Variants in SHANK2 observed in about 807,000 individuals in gnomAD.
SHANK2 encodes the protein SH3 and multiple ankyrin repeat domains 2.
Under a neutral mutation model 133.7 loss-of-function variants are expected in SHANK2, and 43 were observed. The observed-to-expected ratio is 0.32, with a 90% CI of 0.25 to 0.41. SHANK2 has a LOEUF of 0.41. SHANK2 is among the 10% of genes least tolerant of loss of function. SHANK2 has a pLI of 1.00. For missense variants in SHANK2, 1,994 were observed against 2,235.8 expected, an observed-to-expected ratio of 0.89 and a Z score of 2.18; for synonymous variants, 1,017 against 952.8, an observed-to-expected ratio of 1.07 and a Z score of -1.24.
At chr11:70,594,995 A>C (rs2060377983) in intron 17 of SHANK2, among the ~76,000 whole-genome samples, 1 of 152,152 alleles carries the variant, frequency 6.6e-6, no homozygotes, top group Admixed American at 6.5e-5. Flanking sequence ...GGGAGCCGGG[A>C]GCCGGGTCTC....
At chr11:70,537,269 C>T (rs540154179) in intron 17 of SHANK2, among the ~76,000 whole-genome samples, 1 of 152,358 alleles carries the variant, frequency 6.6e-6, no homozygotes, top group Non-Finnish European at 1.5e-5. Flanking sequence ...CCAGGGCCAG[C>T]ATGGCAGCCC....
intron 11 of SHANK2, among the ~76,000 whole-genome samples, chr11:70,833,608 A>G (rs145768194): frequency 1.3e-5 from 2 of 152,350 alleles, no homozygotes; most frequent in African/African-American, 4.8e-5. Context: ...CCAAAAACAA[A>G]GCAAGCACAG....
chr11:70,823,678 G>T (rs3017497), intron 11 of SHANK2, among the ~76,000 whole-genome samples: 4 of 114,106 alleles, frequency 3.5e-5, no homozygotes, highest in African/African-American at 1.0e-4. Context: ...GAGGGACAGA[G>T]GTGGCGCTGG....
chr11:70,615,133 C>T (rs1554995525), intron 17 of SHANK2, among the ~76,000 whole-genome samples: 2 of 152,182 alleles, frequency 1.3e-5, no homozygotes, highest in Non-Finnish European at 2.9e-5. Flanking sequence ...ACTCAGCCTC[C>T]CTCTGAACCA....
At chr11:71,199,918 A>G (rs1323648188) in intron 2 of SHANK2, among the ~76,000 whole-genome samples, 3 of 152,196 alleles carry the variant, frequency 2.0e-5, no homozygotes, top group Non-Finnish European at 4.4e-5. Flanking sequence ...TTCATTTCCA[A>G]ATAGATTAAT....
intron 17 of SHANK2, among the ~76,000 whole-genome samples, chr11:70,655,490 G>A (rs1488830446): frequency 6.6e-6 from 1 of 152,200 alleles, no homozygotes; most frequent in Non-Finnish European, 1.5e-5. Flanking sequence ...ATGACTGTGA[G>A]GGTTAAGCGG....
intron 13 of SHANK2, among the ~76,000 whole-genome samples, chr11:70,803,749 T>C (rs1159336310): frequency 6.8e-6 from 1 of 146,448 alleles, no homozygotes; most frequent in Non-Finnish European, 1.5e-5. Flanking sequence ...CATAAAGAAC[T>C]ATCGGGAGTG....
intron 4 of SHANK2, among the ~76,000 whole-genome samples, chr11:71,117,990 G>A (rs531308204): frequency 1.3e-5 from 2 of 152,312 alleles, no homozygotes; most frequent in African/African-American, 4.8e-5. Flanking sequence ...CCTTAAACTT[G>A]TAGTTAGTGT....
intron 3 of SHANK2, among the ~76,000 whole-genome samples, chr11:71,142,154 C>A (rs782219047): frequency 1.3e-5 from 2 of 152,148 alleles, no homozygotes; most frequent in Non-Finnish European, 2.9e-5. Context: ...AATTAGAAAT[C>A]ACAAAAATTA....
chr11:70,677,426 T>C (rs886789706), intron 15 of SHANK2, among the ~76,000 whole-genome samples: 1 of 152,148 alleles, frequency 6.6e-6, no homozygotes, highest in Non-Finnish European at 1.5e-5. Context: ...CACCCACGAT[T>C]CTGAAAATTA....
intron 17 of SHANK2, among the ~76,000 whole-genome samples, chr11:70,586,395 G>A (rs889027543): frequency 2.0e-5 from 3 of 152,234 alleles, no homozygotes; most frequent in South Asian, 4.2e-4. Flanking sequence ...GGGCAGGTGC[G>A]AATGAGGGAG....
intron 17 of SHANK2, among the ~76,000 whole-genome samples, chr11:70,564,629 G>C (rs2059946451): frequency 6.6e-6 from 1 of 151,818 alleles, no homozygotes; most frequent in Admixed American, 6.6e-5. Flanking sequence ...ATGTATATTG[G>C]GCTGTTGGAA....
At chr11:71,108,531 C>A (rs963994477) in intron 6 of SHANK2, among the ~76,000 whole-genome samples, 2 of 152,186 alleles carry the variant, frequency 1.3e-5, no homozygotes, top group East Asian at 3.9e-4. Context: ...ATGTCCCTAC[C>A]AACACAAGCC....
At chr11:70,671,387 G>A (rs781891331) in intron 15 of SHANK2, among the ~76,000 whole-genome samples, 3 of 152,170 alleles carry the variant, frequency 2.0e-5, no homozygotes, top group Non-Finnish European at 2.9e-5. Context: ...CCTCAACCTC[G>A]TCGAGCGCCA....
intron 3 of SHANK2, among the ~76,000 whole-genome samples, chr11:71,141,390 A>C (rs1952551466): frequency 6.6e-6 from 1 of 152,042 alleles, no homozygotes; most frequent in African/African-American, 2.4e-5. Context: ...AATCCCAGCT[A>C]CTCAGGAGGC....
chr11:70,831,177 G>A (rs573590482), intron 11 of SHANK2, among the ~76,000 whole-genome samples: 3 of 152,180 alleles, frequency 2.0e-5, no homozygotes, highest in Non-Finnish European at 2.9e-5. Context: ...CTGCCTGCCC[G>A]CACACCCACC....
In SHANK2 at chr11:70,659,822, C is replaced by T. The variant is rs1391712214; in HGVS notation, c.2061+6G>A. 4.3e-6 allele frequency: 7 copies of T among 1,614,018 alleles called. No individual in the cohort carries two copies. The highest frequency in any genetic ancestry group is 5.9e-6 in the Non-Finnish European group (7 of 1,180,034). On this transcript the variant is annotated splice_donor_region_variant and intron_variant, in intron 17 of 25. Coordinates refer to ENST00000601538, the MANE Select transcript of SHANK2 (RefSeq NM_012309.5). Reference sequence around the variant, plus strand: ...AGCAGAAAGATACAGACACCTGTGTCCCTACCTCAATCAAGAAGTCCCCGG... The same window carrying T: ...AGCAGAAAGATACAGACACCTGTGTTCCTACCTCAATCAAGAAGTCCCCGG...
intron 9 of SHANK2, among the ~76,000 whole-genome samples, chr11:71,074,030 C>A (rs1161894344): frequency 6.6e-6 from 1 of 152,158 alleles, no homozygotes; most frequent in Non-Finnish European, 1.5e-5. Context: ...GTGGCACTGA[C>A]CAGACCTGAG....
intron 10 of SHANK2, among the ~76,000 whole-genome samples, chr11:70,950,515 C>T (rs1229278858): frequency 4.6e-5 from 7 of 152,206 alleles, no homozygotes; most frequent in African/African-American, 1.4e-4. Context: ...TGTACAAGGG[C>T]ACGAATCCCA....
Sources: allele counts gnomAD v4.1 joint callset (sites outside exome capture counted in the v4.1 genomes callset), GRCh38; gene constraint gnomAD v4.1.1; transcripts MANE v1.5; gene names NCBI Gene and HGNC (gene_info 2026-07-23, HGNC 2026-07-21).